The following RDH10 variants were observed in gnomAD, a reference collection of about 807,000 sequenced individuals.
The protein encoded by RDH10 is retinol dehydrogenase 10.
A neutral mutation model predicts 30.2 loss-of-function variants in RDH10; 12 were observed. The observed-to-expected ratio is 0.40, with a 90% CI of 0.25 to 0.64. The LOEUF (loss-of-function observed/expected upper bound fraction) is 0.64, where lower values mean the gene tolerates loss of function less well. RDH10 is among the 30% of genes least tolerant of loss of function. The probability of loss-of-function intolerance (pLI) is 0.43; values close to 1 mark genes in which losing one functional copy is unlikely to be tolerated. For missense variants in RDH10, 268 were observed against 445.2 expected, an observed-to-expected ratio of 0.60 and a Z score of 3.58; for synonymous variants, 189 against 172.2, an observed-to-expected ratio of 1.10 and a Z score of -0.76.
intron 2 of RDH10, chr8:73,312,125 T>C (rs1317649048): frequency 1.3e-5 from 2 of 152,228 alleles, no homozygotes; most frequent in African/African-American, 4.8e-5. Flanking sequence ...GGTGAGCTGA[T>C]AGTATGTCAC....
intron 2 of RDH10, among the ~76,000 whole-genome samples, chr8:73,316,650 T>C (rs1422660470): frequency 6.6e-6 from 1 of 152,206 alleles, no homozygotes; most frequent in African/African-American, 2.4e-5. Context: ...TACGTGAGAC[T>C]GGGTAATTTA....
Position 73,300,690 on chromosome 8 carries a change from T to C in RDH10, c.525+3261T>C, listed in dbSNP as rs1289498439. On this transcript the variant is annotated intron_variant, in intron 2 of 5. Coordinates refer to ENST00000240285, the MANE Select transcript of RDH10 (RefSeq NM_172037.5). ...ACCATGTGGACTTCCACTGAAAAGC[T>C]GTGGGCACTCCCAAACCAGTCCACA... is the stretch of plus-strand genomic sequence containing the variant. Among the ~76,000 whole-genome samples, 3 of 152,218 alleles carry C rather than the reference T, an allele frequency of 2.0e-5. No individual in the cohort carries two copies. In the South Asian group the frequency reaches 6.2e-4, roughly 32 times the overall value.
At chr8:73,307,749 T>G (rs891420647) in intron 2 of RDH10, among the ~76,000 whole-genome samples, 1 of 152,218 alleles carries the variant, frequency 6.6e-6, no homozygotes, top group Non-Finnish European at 1.5e-5. Flanking sequence ...GTACAGTAGG[T>G]AGATTTTCCT....
intron 2 of RDH10, among the ~76,000 whole-genome samples, chr8:73,303,750 G>C (rs1485642497): frequency 1.2e-4 from 18 of 152,078 alleles, no homozygotes; most frequent in Admixed American, 1.0e-3. Context: ...ACACCAAATA[G>C]GATCACATGC....
chr8:73,309,257 A>G (rs1814518491), intron 2 of RDH10, among the ~76,000 whole-genome samples: 1 of 152,196 alleles, frequency 6.6e-6, no homozygotes, highest in Non-Finnish European at 1.5e-5. Flanking sequence ...CCTAAGCACC[A>G]CAGCAGAAAG....
intron 2 of RDH10, among the ~76,000 whole-genome samples, chr8:73,310,642 A>G (rs1814548194): frequency 6.6e-6 from 1 of 152,254 alleles, no homozygotes; most frequent in Non-Finnish European, 1.5e-5. Flanking sequence ...GGGCAAAGCA[A>G]AGAGATCAAT....
chr8:73,318,930 A>G (rs957420667), intron 2 of RDH10, among the ~76,000 whole-genome samples, 166 bp from the exon 3 acceptor site: 1 of 152,192 alleles, frequency 6.6e-6, no homozygotes, highest in Admixed American at 6.5e-5. Flanking sequence ...ATACAGTGCT[A>G]AGTTAGCCAG....
chr8:73,308,715 TACTAGGGGCTCTTGC>T (rs1055261981), intron 2 of RDH10, among the ~76,000 whole-genome samples: 58 of 152,306 alleles, frequency 3.8e-4, no homozygotes, highest in African/African-American at 1.2e-3. Context: ...TGGTCATTCA[TACTAGGGGCTCTTGC>T]ACTAGGGGCT....
chr8:73,321,820 C>T (rs773939056), intron 4 of RDH10: 9 of 456,114 alleles, frequency 2.0e-5, no homozygotes, highest in Admixed American at 4.7e-5. Flanking sequence ...CCATTCTTAA[C>T]GTGTACTGAA....
At chr8:73,301,972 T>C (rs1385977352) in intron 2 of RDH10, among the ~76,000 whole-genome samples, 1 of 152,228 alleles carries the variant, frequency 6.6e-6, no homozygotes, top group Non-Finnish European at 1.5e-5. Flanking sequence ...CTGGTGTTGG[T>C]ATGCCAGTTT....
intron 2 of RDH10, among the ~76,000 whole-genome samples, chr8:73,309,967 G>A (rs1044124835): frequency 2.0e-5 from 3 of 152,148 alleles, no homozygotes; most frequent in African/African-American, 7.2e-5. Context: ...CGCTGTTCTA[G>A]AGCACTGGTT....
intron 2 of RDH10, chr8:73,310,874 A>G (rs1387808936): frequency 6.6e-6 from 1 of 152,244 alleles, no homozygotes; most frequent in Admixed American, 6.5e-5. Context: ...CATGGACTCA[A>G]GTAAAACGGA....
intron 2 of RDH10, 66 bp from the exon 3 acceptor site, chr8:73,319,030 C>A: frequency 1.9e-6 from 2 of 1,037,588 alleles, no homozygotes; most frequent in Admixed American, 2.0e-5. Context: ...GTTTTGTGAT[C>A]CTGGACTGGG....
intron 4 of RDH10, chr8:73,322,331 T>C: frequency 3.5e-6 from 1 of 284,400 alleles, no homozygotes; most frequent in South Asian, 3.7e-5. Context: ...GGCATCTTGC[T>C]TGAGATTAGT....
rs1814218440 is a variant in RDH10 at position 73,294,704 on chromosome 8, C to T, written c.-586C>T. ...TGCAGGGCCGGGGAACGCGAGCCCT[C>T]GGGGGCAGCTGCAAGGCGTTGGGCA... On this transcript the variant is annotated 5_prime_UTR_variant, in exon 1 of 6. Transcript: ENST00000240285. 5.4e-6 allele frequency: 2 copies of T among 369,690 alleles called. No individual in the cohort carries two copies. Among genetic ancestry groups the T allele is most frequent in the East Asian group, 3.9e-5 (1 of 25,754 alleles). The allele number at this position is 369,690 out of a possible 1,614,324, so 22.9% of individuals were successfully genotyped here. A position where few individuals can be genotyped will look rare whatever the true frequency, so the allele number is the denominator to read the frequency against.
At chr8:73,303,611 A>G (rs1344060811) in intron 2 of RDH10, among the ~76,000 whole-genome samples, 2 of 152,224 alleles carry the variant, frequency 1.3e-5, no homozygotes, top group East Asian at 3.8e-4. Context: ...AAGTACTTTC[A>G]ATGTCTTAAA....
At chr8:73,298,714 G>GTAGTA (rs1814322831) in intron 2 of RDH10, among the ~76,000 whole-genome samples, 1 of 152,130 alleles carries the variant, frequency 6.6e-6, no homozygotes, top group South Asian at 2.1e-4. Context: ...TTTTAGTAGA[G>GTAGTA]ATGGGGTTTC....
intron 2 of RDH10, chr8:73,315,555 C>T (rs1025702973): frequency 2.4e-5 from 11 of 454,384 alleles, no homozygotes; most frequent in Non-Finnish European, 4.4e-5. Context: ...TGTTAATCTT[C>T]TGTCACCTAC....
intron 2 of RDH10, among the ~76,000 whole-genome samples, chr8:73,308,536 T>G (rs751674520): frequency 3.9e-5 from 6 of 152,180 alleles, no homozygotes; most frequent in Non-Finnish European, 8.8e-5. Flanking sequence ...GAGTCTACAG[T>G]CCCTGTCTTG....
Sources: allele counts gnomAD v4.1 joint callset (sites outside exome capture counted in the v4.1 genomes callset), GRCh38; gene constraint gnomAD v4.1.1; transcripts MANE v1.5; gene names NCBI Gene and HGNC (gene_info 2026-07-23, HGNC 2026-07-21).